The following ATXN7L1 variants were observed in gnomAD, a reference collection of about 807,000 sequenced individuals.
ATXN7L1 encodes ataxin-7-like protein 1.
ATXN7L1 carries 15 observed loss-of-function variants against 70.8 expected under a neutral mutation model. The observed-to-expected ratio is 0.21, with a 90% CI of 0.14 to 0.33. The LOEUF (loss-of-function observed/expected upper bound fraction) is 0.33. Ranked by LOEUF, ATXN7L1 falls within the 10% of genes least tolerant of loss-of-function variation. ATXN7L1 has a pLI of 1.00. For synonymous variants in ATXN7L1, 440 were observed against 445.1 expected (o/e 0.99, Z 0.14); for missense variants, 975 against 1,097.1 (o/e 0.89, Z 1.57).
chr7:105,810,412 A>G (rs531154320), intron 2 of ATXN7L1, among the ~76,000 whole-genome samples: 1 of 152,364 alleles, frequency 6.6e-6, no homozygotes, highest in South Asian at 2.1e-4. Flanking sequence ...ACAAACAATA[A>G]GTATTCCCAA....
chr7:105,633,011 C>T (rs1615197), intron 7 of ATXN7L1, among the ~76,000 whole-genome samples: 97,623 of 149,752 alleles, frequency 0.65, 31,893 homozygotes, highest in East Asian at 0.8. Context: ...AAAAACTGGA[C>T]GTGTGCAAAG....
chr7:105,765,464 T>G (rs1354629321), intron 3 of ATXN7L1, among the ~76,000 whole-genome samples: 1 of 152,052 alleles, frequency 6.6e-6, no homozygotes, highest in Non-Finnish European at 1.5e-5. Flanking sequence ...AGCAAACACA[T>G]ACAGTCTGCA....
intron 3 of ATXN7L1, among the ~76,000 whole-genome samples, chr7:105,766,573 T>G (rs1346184600): frequency 6.6e-6 from 1 of 152,224 alleles, no homozygotes; most frequent in Non-Finnish European, 1.5e-5. Context: ...AAGCATTTCA[T>G]GCATATAAAT....
chr7:105,689,631 C>T (rs986145029), intron 3 of ATXN7L1, among the ~76,000 whole-genome samples: 6 of 152,160 alleles, frequency 3.9e-5, no homozygotes, highest in African/African-American at 9.7e-5. Flanking sequence ...AAAGTCCTCC[C>T]GGTCCCAACC....
chr7:105,730,669 T>A (rs751348158), intron 3 of ATXN7L1, among the ~76,000 whole-genome samples: 2 of 150,976 alleles, frequency 1.3e-5, no homozygotes, highest in Non-Finnish European at 3.0e-5. Flanking sequence ...ATGGCAGAGG[T>A]TGCAGTGAGC....
At chr7:105,611,188 G>A (rs1329631519) in intron 10 of ATXN7L1, among the ~76,000 whole-genome samples, 16 of 152,338 alleles carry the variant, frequency 1.1e-4, no homozygotes, top group African/African-American at 2.6e-4. Context: ...GCATGCGGGT[G>A]TGGCCACTGT....
intron 4 of ATXN7L1, among the ~76,000 whole-genome samples, chr7:105,657,360 C>A (rs1373989607): frequency 6.6e-6 from 1 of 152,078 alleles, no homozygotes. Context: ...GGGTCAGTGG[C>A]CTATGTGTCT....
At chr7:105,615,333 C>A (rs73717206) in intron 9 of ATXN7L1, among the ~76,000 whole-genome samples, 3,503 of 152,194 alleles carry the variant, frequency 0.023, 138 homozygotes, top group African/African-American at 0.079. Flanking sequence ...CAGAGACTCT[C>A]GGGGCTTTCC....
At position 105,680,539 on chromosome 7, in the gene ATXN7L1, G is replaced by C. The variant is rs139623744; in HGVS notation, c.356-15251C>G. On this transcript the variant is annotated intron_variant, in intron 3 of 11. Coordinates refer to ENST00000419735, the MANE Select transcript of ATXN7L1 (RefSeq NM_020725.2). Reference sequence around the variant, plus strand: ...TTCCATTTGTTTGGAATGTAGTAGGGGGGTGTTGAGGGGGTATAAACTGAC... The same window carrying C: ...TTCCATTTGTTTGGAATGTAGTAGGCGGGTGTTGAGGGGGTATAAACTGAC... Among the ~76,000 whole-genome samples, 101 of 152,298 alleles carry C rather than the reference G, an allele frequency of 6.6e-4. No homozygotes were observed. In the East Asian group the frequency reaches 7.9e-3, roughly 12 times the overall value.
At chr7:105,686,664 A>T (rs1307645886) in intron 3 of ATXN7L1, among the ~76,000 whole-genome samples, 1 of 152,242 alleles carries the variant, frequency 6.6e-6, no homozygotes, top group African/African-American at 2.4e-5. Context: ...TTTTATAATA[A>T]AGTGTTGAAT....
chr7:105,610,441 A>G (rs762513645), intron 11 of ATXN7L1, 88 bp downstream of exon 11: 22 of 1,218,484 alleles, frequency 1.8e-5, no homozygotes, highest in Non-Finnish European at 2.5e-5. Flanking sequence ...TGAGGTTTGA[A>G]TCAGGGTCTG....
intron 3 of ATXN7L1, among the ~76,000 whole-genome samples, chr7:105,671,104 CAAAAA>C (rs71155469): frequency 7.8e-5 from 7 of 89,706 alleles, no homozygotes; most frequent in Non-Finnish European, 1.3e-4. Flanking sequence ...GACTACGTCT[CAAAAA>C]AAAAAAAAAA....
At chr7:105,641,382 C>T (rs890757955) in intron 5 of ATXN7L1, among the ~76,000 whole-genome samples, 2 of 151,802 alleles carry the variant, frequency 1.3e-5, no homozygotes, top group African/African-American at 2.4e-5. Flanking sequence ...ACACCAGCGC[C>T]TCATGTCGAC....
In ATXN7L1 at chr7:105,761,296, C is replaced by T. The variant is rs138677709; in HGVS notation, c.355+27308G>A. ...CACTTCAGGGCTCTGCTGGAGTCTC[C>T]TCTTCCAGGAAGCCGTCTCCAGACA... On this transcript the variant is annotated intron_variant, in intron 3 of 11. Transcript: ENST00000419735. The T allele has an allele frequency of 8.4e-3, 13,365 of 1,599,566 alleles. 73 individuals carry two copies. The highest frequency in any genetic ancestry group is 0.01 in the Non-Finnish European group (11,838 of 1,173,384).
At chr7:105,641,210 C>CTTTTTTTTTTTTTTT (rs1471887959) in intron 5 of ATXN7L1, among the ~76,000 whole-genome samples, 1 of 60,632 alleles carries the variant, frequency 1.6e-5, no homozygotes, top group Non-Finnish European at 3.5e-5. Context: ...CTCTCTCTCT[C>CTTTTTTTTTTTTTTT]TCTCTTTTTT....
intron 2 of ATXN7L1, among the ~76,000 whole-genome samples, chr7:105,795,591 C>T (rs1253229397): frequency 1.3e-5 from 2 of 152,080 alleles, no homozygotes; most frequent in South Asian, 2.1e-4. Context: ...ATGATGAAAA[C>T]CTTAAGAGAG....
rs550453293 is a variant in ATXN7L1, at chr7:105,783,153, G to A, written c.355+5451C>T. 3.1e-3 allele frequency among the ~76,000 whole-genome samples: 467 copies of A among 152,280 alleles called. 3 individuals are homozygous for A. The highest frequency in any genetic ancestry group is 0.011 in the African/African-American group (443 of 41,552). ...TAAGTAGCTCAAGGTCAAACAGCCCGTAAATGTTAGGATTCTAACCTGCCT... is the reference window on the plus strand; with the variant it reads ...TAAGTAGCTCAAGGTCAAACAGCCCATAAATGTTAGGATTCTAACCTGCCT... On this transcript the variant is annotated intron_variant, in intron 3 of 11. Transcript: ENST00000419735.
rs138952201 is a variant in ATXN7L1 at position 105,670,334 on chromosome 7, C to T, written c.356-5046G>A. Among the ~76,000 whole-genome samples, 17 of 152,146 alleles carry T rather than the reference C, an allele frequency of 1.1e-4. No homozygotes were observed. The East Asian group carries it at 3.3e-3, about 29-fold the overall frequency. On this transcript the variant is annotated intron_variant, in intron 3 of 11. Coordinates refer to ENST00000419735, the MANE Select transcript of ATXN7L1 (RefSeq NM_020725.2). ...ATTAAGGGACTGCCTAAGGTAGATC[C>T]CTATAGTTATTCTAATTCCATTTGC...
chr7:105,744,510 T>C (rs1205344018), intron 3 of ATXN7L1, among the ~76,000 whole-genome samples: 1 of 152,148 alleles, frequency 6.6e-6, no homozygotes, highest in African/African-American at 2.4e-5. Flanking sequence ...AGCACTGTCC[T>C]GATCTCCCTC....
Sources: allele counts gnomAD v4.1 joint callset (sites outside exome capture counted in the v4.1 genomes callset), GRCh38; gene constraint gnomAD v4.1.1; transcripts MANE v1.5; gene names NCBI Gene and HGNC (gene_info 2026-07-23, HGNC 2026-07-21).